The following IARS1 variants were observed in gnomAD, a reference collection of about 807,000 sequenced individuals.
The protein encoded by IARS1 is isoleucine--tRNA ligase, cytoplasmic.
IARS1 carries 124 observed loss-of-function variants against 168.2 expected under a neutral mutation model. The observed-to-expected ratio is 0.74, with a 90% CI of 0.64 to 0.86. IARS1 has a LOEUF of 0.86. IARS1 is among the 40% of genes least tolerant of loss of function. The pLI, the probability that IARS1 is intolerant of heterozygous loss-of-function variation, is 0.00. For missense variants in IARS1, 1,452 were observed against 1,515.8 expected, an observed-to-expected ratio of 0.96 and a Z score of 0.70; for synonymous variants, 532 against 529.4, an observed-to-expected ratio of 1.00 and a Z score of -0.07.
intron 9 of IARS1, 55 bp downstream of exon 9, chr9:92,277,808 G>T: frequency 1.4e-6 from 2 of 1,446,592 alleles, no homozygotes; most frequent in Admixed American, 1.8e-5. Flanking sequence ...CAACACCCCA[G>T]CTATCAAATA....
intron 31 of IARS1, among the ~76,000 whole-genome samples, chr9:92,227,739 G>A (rs985474398): frequency 2.0e-5 from 3 of 151,818 alleles, no homozygotes; most frequent in African/African-American, 7.3e-5. Context: ...CAGACGATGG[G>A]CGGCCGGGCA....
chr9:92,229,253 CTA>C, intron 30 of IARS1, 127 bp from the exon 31 acceptor site: 4 of 780,810 alleles, frequency 5.1e-6, no homozygotes, highest in South Asian at 1.8e-5. Flanking sequence ...CAACTATACA[CTA>C]TATATATGTG....
intron 31 of IARS1, among the ~76,000 whole-genome samples, chr9:92,228,545 C>G (rs1826122164): frequency 1.4e-5 from 2 of 146,724 alleles, no homozygotes; most frequent in South Asian, 4.4e-4. Flanking sequence ...CTTGGTCTCT[C>G]CAAAAAAATT....
chr9:92,240,781 G>A (rs1027011530), intron 30 of IARS1, 75 bp downstream of exon 30: 1 of 834,036 alleles, frequency 1.2e-6, no homozygotes. Context: ...ACATCCATAA[G>A]TTTTTTTGGT....
rs777348985 is a variant in IARS1 at position 92,280,904 on chromosome 9, T to C, written c.598-11A>G. ...AGGATCTTGAACATCCTGAAATAAA[T>C]TGAGGTAAAGTATTGTTTTAGAAAT... On this transcript the variant is annotated splice_polypyrimidine_tract_variant and intron_variant, in intron 6 of 33. Coordinates refer to ENST00000443024, the MANE Select transcript of IARS1 (RefSeq NM_002161.6). The C allele has an allele frequency of 3.8e-6, 6 of 1,596,410 alleles. No individual in the cohort carries two copies. The highest frequency in any genetic ancestry group is 3.3e-5 in the South Asian group (3 of 89,680).
At chr9:92,250,983 G>T in intron 22 of IARS1, 149 bp from the exon 23 acceptor site, 2 of 791,504 alleles carry the variant, frequency 2.5e-6, no homozygotes, top group Non-Finnish European at 4.1e-6. Context: ...CCCTGTGAAT[G>T]AGAAATGGCC....
chr9:92,272,247 TG>T (rs1321424868), intron 10 of IARS1, among the ~76,000 whole-genome samples: 1 of 152,232 alleles, frequency 6.6e-6, no homozygotes, highest in Admixed American at 6.5e-5. Flanking sequence ...AACCACACTC[TG>T]GGTTGACTCC....
chr9:92,253,731 T>C lies in IARS1; in HGVS notation c.2138-278A>G, dbSNP rs1237680397. On this transcript the variant is annotated intron_variant, in intron 20 of 33. Transcript: ENST00000443024. ...GAGAAAAGCCAAAAACTCCAGTATGTGTGGATCAAAGTCCAAGACTGCCCA... is the reference window on the plus strand; with the variant it reads ...GAGAAAAGCCAAAAACTCCAGTATGCGTGGATCAAAGTCCAAGACTGCCCA... The C allele has an allele frequency of 7.7e-6, 4 of 518,728 alleles. No homozygotes were observed. The Admixed American group carries it at 9.8e-5, about 13-fold the overall frequency. The allele number at this position is 518,728 out of a possible 1,614,324, so 32.1% of individuals were successfully genotyped here.
intron 25 of IARS1, 110 bp downstream of exon 25, chr9:92,249,747 GA>G: frequency 1.7e-6 from 1 of 573,476 alleles, no homozygotes; most frequent in Non-Finnish European, 3.1e-6. Context: ...CATTTGTTAT[GA>G]CTATACTAAT....
chr9:92,256,893 AAG>A, intron 19 of IARS1, 93 bp from the exon 20 acceptor site: 1 of 1,254,594 alleles, frequency 8.0e-7, no homozygotes, highest in Non-Finnish European at 1.1e-6. Flanking sequence ...CAAAAACAAA[AAG>A]AAAAAATCCC....
intron 10 of IARS1, among the ~76,000 whole-genome samples, chr9:92,272,418 T>G (rs560090366): frequency 4.6e-5 from 7 of 152,316 alleles, no homozygotes; most frequent in African/African-American, 1.7e-4. Context: ...ACCCAGTGCA[T>G]TAAGCTAAGA....
intron 20 of IARS1, among the ~76,000 whole-genome samples, chr9:92,256,015 G>A (rs556996506): frequency 4.1e-4 from 62 of 150,038 alleles, no homozygotes; most frequent in African/African-American, 1.4e-3. Flanking sequence ...CATCTACTAT[G>A]TACCCATAAA....
chr9:92,245,835 C>T (rs1341590248), intron 26 of IARS1, among the ~76,000 whole-genome samples: 3 of 150,804 alleles, frequency 2.0e-5, no homozygotes, highest in East Asian at 1.9e-4. Context: ...GGCAGGATCT[C>T]GGCTCACTGC....
At chr9:92,291,701 A>G (rs1836366229) in intron 1 of IARS1, among the ~76,000 whole-genome samples, 1 of 152,206 alleles carries the variant, frequency 6.6e-6, no homozygotes, top group Non-Finnish European at 1.5e-5. Flanking sequence ...ACCTTATCAG[A>G]GGCCAACTGA....
At chr9:92,279,392 A>G (rs1834205577) in intron 7 of IARS1, among the ~76,000 whole-genome samples, 1 of 152,216 alleles carries the variant, frequency 6.6e-6, no homozygotes, top group Admixed American at 6.5e-5. Flanking sequence ...CAGAATGGCT[A>G]GTGACCCACC....
At chr9:92,216,396 T>C (rs1261567760) in intron 33 of IARS1, among the ~76,000 whole-genome samples, 2 of 148,110 alleles carry the variant, frequency 1.4e-5, no homozygotes, top group African/African-American at 2.5e-5. Flanking sequence ...AACATCATAA[T>C]GACAGGATCA....
intron 4 of IARS1, chr9:92,287,438 C>T (rs1374167023): frequency 6.4e-6 from 1 of 157,164 alleles, no homozygotes; most frequent in East Asian, 1.9e-4. Flanking sequence ...GGGAACCCAT[C>T]ATACTACTTT....
At chr9:92,281,396 A>C (rs893691231) in intron 6 of IARS1, among the ~76,000 whole-genome samples, 3 of 152,124 alleles carry the variant, frequency 2.0e-5, no homozygotes, top group Admixed American at 2.0e-4. Context: ...AGCCTCCCAA[A>C]GTGCTGGGAT....
chr9:92,251,584 C>A (rs1587798466), intron 22 of IARS1, among the ~76,000 whole-genome samples: 1 of 152,130 alleles, frequency 6.6e-6, no homozygotes, highest in East Asian at 1.9e-4. Flanking sequence ...TATTGTACTG[C>A]CAGAGACTGT....
Sources: allele counts gnomAD v4.1 joint callset (sites outside exome capture counted in the v4.1 genomes callset), GRCh38; gene constraint gnomAD v4.1.1; transcripts MANE v1.5; gene names NCBI Gene and HGNC (gene_info 2026-07-23, HGNC 2026-07-21).